The following NFIA variants were observed in gnomAD, a reference collection of about 807,000 sequenced individuals.
NFIA encodes the protein nuclear factor 1 A-type.
A neutral mutation model predicts 62.8 loss-of-function variants in NFIA; 8 were observed. The observed-to-expected ratio is 0.13, with a 90% confidence interval of 0.07 to 0.23. The LOEUF is 0.23. Ranked by LOEUF, NFIA falls within the 10% of genes least tolerant of loss-of-function variation. NFIA has a pLI of 1.00. For missense variants in NFIA, 410 were observed against 642.1 expected, an observed-to-expected ratio of 0.64 and a Z score of 3.91; for synonymous variants, 235 against 238.1, an observed-to-expected ratio of 0.99 and a Z score of 0.12.
intron 2 of NFIA, among the ~76,000 whole-genome samples, chr1:61,140,765 T>A (rs1431073223): frequency 3.9e-5 from 6 of 152,044 alleles, no homozygotes; most frequent in Non-Finnish European, 7.4e-5. Flanking sequence ...CTATTTTCTG[T>A]TAAATACAAA....
chr1:61,089,328 A>G (rs973681831), intron 2 of NFIA, among the ~76,000 whole-genome samples: 1 of 152,224 alleles, frequency 6.6e-6, no homozygotes, highest in Non-Finnish European at 1.5e-5. Context: ...AACACATTGA[A>G]AAATTGCTAT....
intron 7 of NFIA, among the ~76,000 whole-genome samples, chr1:61,398,336 T>A (rs886096568): frequency 3.9e-5 from 6 of 152,180 alleles, no homozygotes; most frequent in Non-Finnish European, 8.8e-5. Context: ...CTAAAATTGA[T>A]CTAGATAAAA....
At chr1:61,449,222 G>A (rs779927499) in intron 10 of NFIA, among the ~76,000 whole-genome samples, 46 of 152,218 alleles carry the variant, frequency 3.0e-4, no homozygotes, top group Non-Finnish European at 5.3e-4. Context: ...GAGAGTGTCT[G>A]TCATTTGGGG....
chr1:61,359,231 A>C lies in NFIA; in HGVS notation c.903A>C (p.Pro301=). The C allele has an allele frequency of 6.2e-7, 1 of 1,612,820 alleles. No individual in the cohort carries two copies. Among genetic ancestry groups the C allele is most frequent in the Non-Finnish European group, 8.5e-7 (1 of 1,179,990 alleles). Residue 301 remains proline (P), a synonymous_variant, in exon 6 of 11, where the codon CCA becomes CCC. Transcript: ENST00000403491. ...EPFYTGQGRS[P]GSGSQSSGWH... is the part of the protein sequence containing the mutation. Reference sequence around the variant, plus strand: ...TTTATACAGGCCAAGGGCGCTCCCCAGGAAGTGGCAGTCAGTCAAGTGGAT... The same window carrying C: ...TTTATACAGGCCAAGGGCGCTCCCCCGGAAGTGGCAGTCAGTCAAGTGGAT...
chr1:61,255,660 A>G (rs1055627617), intron 2 of NFIA, among the ~76,000 whole-genome samples: 3 of 152,202 alleles, frequency 2.0e-5, no homozygotes, highest in Non-Finnish European at 4.4e-5. Context: ...ATTGTGTTCC[A>G]TAGTGGAAAT....
chr1:61,327,323 G>T (rs1465044853), intron 3 of NFIA, among the ~76,000 whole-genome samples: 1 of 151,764 alleles, frequency 6.6e-6, no homozygotes, highest in Non-Finnish European at 1.5e-5. Context: ...TTGTACAGTG[G>T]TGAAGTCTGA....
chr1:61,077,446 TAAA>T, upstream of NFIA: 1 of 426,706 alleles, frequency 2.3e-6, no homozygotes, highest in Non-Finnish European at 4.0e-6. Context: ...GATTTGGAGT[TAAA>T]AAAAAAATTC....
intron 5 of NFIA, among the ~76,000 whole-genome samples, chr1:61,357,862 C>G (rs909061851): frequency 1.3e-5 from 2 of 152,094 alleles, no homozygotes; most frequent in Non-Finnish European, 2.9e-5. Flanking sequence ...ATCTACTCAT[C>G]CTAATAATAT....
At chr1:61,278,239 C>T (rs1205352694) in intron 3 of NFIA, among the ~76,000 whole-genome samples, 3 of 152,064 alleles carry the variant, frequency 2.0e-5, no homozygotes, top group Non-Finnish European at 2.9e-5. Context: ...AATTTGAATT[C>T]GTGGCAGGCA....
At chr1:61,162,611 G>A (rs1231237985) in intron 2 of NFIA, among the ~76,000 whole-genome samples, 1 of 152,140 alleles carries the variant, frequency 6.6e-6, no homozygotes, top group African/African-American at 2.4e-5. Flanking sequence ...TATCATGATA[G>A]ATTATGCTGG....
At chr1:61,077,558 A>G (rs534530888), upstream of NFIA, 4 of 1,261,376 alleles carry the variant, frequency 3.2e-6, no homozygotes, top group African/African-American at 1.5e-5. Flanking sequence ...TGCAAAAAAA[A>G]GGGGACAACA....
Position 61,126,462 on chromosome 1 carries a change from A to ACACACACACACACTCACACACACACT in NFIA, c.559+37800_559+37801insCACACACTCACACACACACACTCACA. Among the ~76,000 whole-genome samples the ACACACACACACACTCACACACACACT allele has an allele frequency of 1.4e-5, 2 of 145,930 alleles. 1 individual carries two copies. The highest frequency in any genetic ancestry group is 4.4e-4 in the South Asian group (2 of 4,534). Reference sequence around the variant, plus strand: ...AACACACACACACACACACACACACACACACACACACACTCACAGAAATAT... The same window carrying ACACACACACACACTCACACACACACT: ...AACACACACACACACACACACACACACACACACACACACTCACACACACACTCACACACACACACTCACAGAAATAT... On this transcript the variant is annotated intron_variant, in intron 2 of 10. Coordinates refer to ENST00000403491, the MANE Select transcript of NFIA (RefSeq NM_001134673.4).
At chr1:61,261,120 T>TA (rs1220910500) in intron 2 of NFIA, among the ~76,000 whole-genome samples, 1 of 152,190 alleles carries the variant, frequency 6.6e-6, no homozygotes, top group African/African-American at 2.4e-5. Context: ...TTAGTGGCCT[T>TA]AAAGATGAGG....
chr1:61,386,010 T>C (rs141481737), intron 7 of NFIA: 5 of 152,300 alleles, frequency 3.3e-5, no homozygotes, highest in African/African-American at 9.6e-5. Flanking sequence ...GTTGCCTCTT[T>C]GTGGTAAGAA....
intron 3 of NFIA, among the ~76,000 whole-genome samples, chr1:61,317,407 G>A (rs183438255): frequency 1.3e-5 from 2 of 151,984 alleles, no homozygotes; most frequent in Admixed American, 6.6e-5. Flanking sequence ...AGAAGAGATG[G>A]TGATTTATAT....
intron 2 of NFIA, among the ~76,000 whole-genome samples, chr1:61,197,265 GTC>G (rs960602117): frequency 3.1e-5 from 4 of 131,114 alleles, no homozygotes; most frequent in African/African-American, 1.2e-4. Context: ...TTGAGACGGA[GTC>G]TCTCTGTGTC....
At chr1:61,210,937 A>G (rs1263655803) in intron 2 of NFIA, among the ~76,000 whole-genome samples, 1 of 152,250 alleles carries the variant, frequency 6.6e-6, no homozygotes, top group Non-Finnish European at 1.5e-5. Context: ...TAAATTTAGC[A>G]AAGGATCAGG....
chr1:61,333,924 C>T lies in NFIA; in HGVS notation c.700+1338C>T, dbSNP rs559098559. 2.8e-4 allele frequency among the ~76,000 whole-genome samples: 42 copies of T among 152,238 alleles called. No homozygotes were observed. The East Asian group carries it at 7.5e-3, about 27-fold the overall frequency. ...CTGAGGCAGGACAATTGCTCGAACCCGGAGGGTGGAGGTTGCAGTGAGCTG... is the reference window on the plus strand; with the variant it reads ...CTGAGGCAGGACAATTGCTCGAACCTGGAGGGTGGAGGTTGCAGTGAGCTG... On this transcript the variant is annotated intron_variant, in intron 4 of 10. Transcript: ENST00000403491.
intron 5 of NFIA, among the ~76,000 whole-genome samples, chr1:61,355,208 T>C (rs959538660): frequency 6.6e-6 from 1 of 152,158 alleles, no homozygotes; most frequent in Admixed American, 6.5e-5. Context: ...ATATTCATCC[T>C]TTTCGTGTAG....
Sources: allele counts gnomAD v4.1 joint callset (sites outside exome capture counted in the v4.1 genomes callset), GRCh38; gene constraint gnomAD v4.1.1; transcripts MANE v1.5; gene names NCBI Gene and HGNC (gene_info 2026-07-23, HGNC 2026-07-21).